The following ELAVL4 variants were observed in gnomAD, a reference collection of about 807,000 sequenced individuals.
ELAVL4 encodes the protein ELAV-like protein 4.
In ELAVL4, 1 loss-of-function variant was observed where a neutral mutation model predicts 35.6. The observed-to-expected ratio is 0.03, with a 90% CI of 0.01 to 0.13. The LOEUF is 0.13. Among genes scored for constraint, ELAVL4 ranks in the 10% least tolerant of loss-of-function variants. ELAVL4 has a pLI of 1.00. For synonymous variants in ELAVL4, 156 were observed against 171.0 expected (o/e 0.91, Z 0.69); for missense variants, 267 against 464.9 (o/e 0.57, Z 3.91).
At chr1:50,058,096 A>C (rs766322580) in intron 1 of ELAVL4, among the ~76,000 whole-genome samples, 1 of 152,220 alleles carries the variant, frequency 6.6e-6, no homozygotes, top group Non-Finnish European at 1.5e-5. Flanking sequence ...GAACCAGTCC[A>C]CGGGGGGAAG....
intron 1 of ELAVL4, among the ~76,000 whole-genome samples, chr1:50,049,947 G>T (rs1040637861): frequency 6.6e-6 from 1 of 152,160 alleles, no homozygotes; most frequent in Non-Finnish European, 1.5e-5. Flanking sequence ...AGTTAGAGCT[G>T]GTGGCCTTAC....
intron 1 of ELAVL4, among the ~76,000 whole-genome samples, chr1:50,115,738 T>C (rs867543337): frequency 2.0e-5 from 3 of 152,168 alleles, no homozygotes; most frequent in African/African-American, 7.2e-5. Flanking sequence ...CCCTTAAAGT[T>C]GTTTTGCCAA....
chr1:50,075,499 G>T (rs1163760546), intron 1 of ELAVL4, among the ~76,000 whole-genome samples: 1 of 152,154 alleles, frequency 6.6e-6, no homozygotes, highest in Admixed American at 6.5e-5. Context: ...GGGGAAGTGG[G>T]AGCTCTAGCC....
At chr1:50,086,481 T>C (rs1312565499) in intron 1 of ELAVL4, among the ~76,000 whole-genome samples, 1 of 148,436 alleles carries the variant, frequency 6.7e-6, no homozygotes, top group Non-Finnish European at 1.5e-5. Context: ...AGCTTTTATA[T>C]ATATATATAT....
intron 1 of ELAVL4, among the ~76,000 whole-genome samples, chr1:50,124,612 G>T: frequency 6.6e-6 from 1 of 152,156 alleles, no homozygotes; most frequent in East Asian, 1.9e-4. Context: ...GAAACATTTA[G>T]CCTAGTGGTT....
At chr1:50,187,473 T>A (rs762790303) in intron 3 of ELAVL4, among the ~76,000 whole-genome samples, 5 of 152,222 alleles carry the variant, frequency 3.3e-5, no homozygotes, top group Non-Finnish European at 7.3e-5. Context: ...GTTAAGTGAC[T>A]CACCCCATAG....
upstream of ELAVL4, chr1:50,106,263 GCTGCCGGCGA>G: frequency 6.3e-7 from 1 of 1,578,120 alleles, no homozygotes; most frequent in Non-Finnish European, 8.7e-7. Context: ...GGGAAAGCTG[GCTGCCGGCGA>G]CTGATGCTGA....
rs180727237 is a variant in ELAVL4 at position 50,183,877 on chromosome 1, T to C, written c.354+6685T>C. Among the ~76,000 whole-genome samples, 17 of 152,344 alleles carry C rather than the reference T, an allele frequency of 1.1e-4. 1 individual carries two copies. The highest frequency in any genetic ancestry group is 2.0e-4 in the Admixed American group (3 of 15,298). On this transcript the variant is annotated intron_variant, in intron 3 of 6. Transcript: ENST00000371824. ...TGGATATCACCCCACACAGAAATGATGGACTGCCTCCCTCAGTCTTGTTAA... is the reference window on the plus strand; with the variant it reads ...TGGATATCACCCCACACAGAAATGACGGACTGCCTCCCTCAGTCTTGTTAA...
intron 1 of ELAVL4, among the ~76,000 whole-genome samples, chr1:50,082,478 G>A (rs1174049584): frequency 6.6e-6 from 1 of 152,156 alleles, no homozygotes; most frequent in African/African-American, 2.4e-5. Context: ...GTCTTCTTTT[G>A]AGAAGTGTCT....
chr1:50,119,094 A>AAGAAAGAAAGAAAGAAAG (rs372191131), intron 1 of ELAVL4, among the ~76,000 whole-genome samples: 12 of 105,514 alleles, frequency 1.1e-4, no homozygotes, highest in East Asian at 6.2e-4. Flanking sequence ...GAAAGAAAGA[A>AAGAAAGAAAGAAAGAAAG]AAAGAAAAAG....
intron 1 of ELAVL4, among the ~76,000 whole-genome samples, chr1:50,049,493 CA>C (rs755475211): frequency 7.2e-5 from 11 of 152,156 alleles, no homozygotes; most frequent in Non-Finnish European, 1.5e-4. Context: ...AACAAGGAAT[CA>C]AAAGGTTCAA....
At chr1:50,194,210 A>G (rs1014076301) in intron 4 of ELAVL4, among the ~76,000 whole-genome samples, 4 of 152,210 alleles carry the variant, frequency 2.6e-5, no homozygotes, top group African/African-American at 9.6e-5. Flanking sequence ...TATGACCTTC[A>G]AAGTCTGATT....
rs527431800 is a variant in ELAVL4, at chr1:50,133,521, C to G, written c.10-11436C>G. On this transcript the variant is annotated intron_variant, in intron 1 of 6. Coordinates refer to ENST00000371824, the MANE Select transcript of ELAVL4 (RefSeq NM_001144774.3). ...AGTTTGAGGGATAAAGTTCTCCTAT[C>G]AAGTCAAAATGTTCTTTTTTTCTAA... is the stretch of plus-strand genomic sequence containing the variant. Among the ~76,000 whole-genome samples, 4 of 150,192 alleles carry G rather than the reference C, an allele frequency of 2.7e-5. No homozygotes were observed. The East Asian group carries it at 7.9e-4, about 30-fold the overall frequency.
At chr1:50,175,922 C>T (rs1409144762) in intron 2 of ELAVL4, 1 of 152,188 alleles carries the variant, frequency 6.6e-6, no homozygotes, top group East Asian at 1.9e-4. Flanking sequence ...TGACATGTGA[C>T]GTCCTGTCAT....
chr1:50,053,932 A>T (rs1175491592), intron 1 of ELAVL4, among the ~76,000 whole-genome samples: 1 of 152,186 alleles, frequency 6.6e-6, no homozygotes, highest in Admixed American at 6.5e-5. Flanking sequence ...ACAAAACTTG[A>T]TGAAGATGAA....
chr1:50,141,164 A>G (rs1191256025), intron 1 of ELAVL4, among the ~76,000 whole-genome samples: 1 of 152,182 alleles, frequency 6.6e-6, no homozygotes, highest in Non-Finnish European at 1.5e-5. Flanking sequence ...GAACCTGACT[A>G]TCAGGTGACC....
chr1:50,110,710 C>A (rs1248375075), intron 1 of ELAVL4, among the ~76,000 whole-genome samples: 1 of 152,070 alleles, frequency 6.6e-6, no homozygotes, highest in Non-Finnish European at 1.5e-5. Flanking sequence ...TTATTTTTCC[C>A]TAGAAAAGCC....
chr1:50,104,771 T>C (rs941085860), upstream of ELAVL4, among the ~76,000 whole-genome samples: 10 of 152,316 alleles, frequency 6.6e-5, no homozygotes, highest in African/African-American at 2.4e-4. Context: ...ACAATATAAG[T>C]GATGTAATTT....
chr1:50,071,153 G>C (rs1368400475), intron 1 of ELAVL4, among the ~76,000 whole-genome samples: 1 of 152,168 alleles, frequency 6.6e-6, no homozygotes, highest in Non-Finnish European at 1.5e-5. Flanking sequence ...GTCCAGAAGA[G>C]CTCTCCCTCC....
Sources: gnomAD v4.1 joint callset for allele counts (sites outside exome capture counted in the v4.1 genomes callset) on GRCh38, gnomAD v4.1.1 for gene constraint, MANE v1.5 for transcripts, NCBI Gene and HGNC (gene_info 2026-07-23, HGNC 2026-07-21) for gene names.